ARHGAP5: variants seen among roughly 807,000 people sequenced by gnomAD.
The protein encoded by ARHGAP5 is Rho GTPase activating protein 5.
Under a neutral mutation model 116.6 loss-of-function variants are expected in ARHGAP5, and 23 were observed. The ratio of observed to expected loss-of-function variants is 0.20; its 90% confidence interval spans 0.14 to 0.28. ARHGAP5 has a LOEUF of 0.28. Ranked by LOEUF, ARHGAP5 falls within the 10% of genes least tolerant of loss-of-function variation. The probability of loss-of-function intolerance (pLI) is 1.00; values close to 1 mark genes in which losing one functional copy is unlikely to be tolerated. For synonymous variants in ARHGAP5, 574 were observed against 602.0 expected, an observed-to-expected ratio of 0.95 and a Z score of 0.68; for missense variants, 1,405 against 1,774.8, an observed-to-expected ratio of 0.79 and a Z score of 3.74.
chr14:32,085,663 A>C (rs1192050089), intron 1 of ARHGAP5, among the ~76,000 whole-genome samples: 2 of 152,170 alleles, frequency 1.3e-5, no homozygotes, highest in African/African-American at 4.8e-5. Context: ...ATTTGTTTAC[A>C]TAAGGGATAG....
intron 3 of ARHGAP5, among the ~76,000 whole-genome samples, chr14:32,122,731 A>G (rs1358290887): frequency 6.6e-6 from 1 of 152,182 alleles, no homozygotes; most frequent in Non-Finnish European, 1.5e-5. Flanking sequence ...TTGCATGTGG[A>G]TATCCATTAT....
intron 3 of ARHGAP5, among the ~76,000 whole-genome samples, chr14:32,121,092 G>C (rs1301548182): frequency 7.4e-6 from 1 of 134,992 alleles, no homozygotes; most frequent in Non-Finnish European, 1.5e-5. Flanking sequence ...ACTTCAGCTA[G>C]TTGCAACCTC....
At chr14:32,119,475 T>C (rs1879775103) in intron 3 of ARHGAP5, among the ~76,000 whole-genome samples, 2 of 152,152 alleles carry the variant, frequency 1.3e-5, no homozygotes, top group Non-Finnish European at 2.9e-5. Flanking sequence ...TTTATTGATG[T>C]AATTTACATA....
At chr14:32,105,870 A>G (rs1010986278) in intron 2 of ARHGAP5, among the ~76,000 whole-genome samples, 2 of 152,240 alleles carry the variant, frequency 1.3e-5, no homozygotes, top group African/African-American at 4.8e-5. Context: ...ATGGAATCAC[A>G]GGGCATATAA....
intron 6 of ARHGAP5, among the ~76,000 whole-genome samples, chr14:32,153,658 A>G (rs1196408393): frequency 6.6e-6 from 1 of 151,402 alleles, no homozygotes; most frequent in Admixed American, 6.6e-5. Flanking sequence ...TTTTTAGTAG[A>G]GACAGGGTTT....
At chr14:32,142,290 A>G (rs1881162111) in intron 3 of ARHGAP5, among the ~76,000 whole-genome samples, 1 of 152,036 alleles carries the variant, frequency 6.6e-6, no homozygotes, top group Non-Finnish European at 1.5e-5. Flanking sequence ...AATAAACTCT[A>G]CTTTCTTGTT....
chr14:32,127,682 G>C (rs1434706510), intron 3 of ARHGAP5, among the ~76,000 whole-genome samples: 2 of 152,210 alleles, frequency 1.3e-5, no homozygotes, highest in African/African-American at 2.4e-5. Context: ...TCAATGAGCT[G>C]TTGGGTACAC....
chr14:32,127,349 A>G (rs1335163616), intron 3 of ARHGAP5, among the ~76,000 whole-genome samples: 1 of 152,054 alleles, frequency 6.6e-6, no homozygotes, highest in Non-Finnish European at 1.5e-5. Context: ...GTCCCTGGGT[A>G]CTTGAGATTA....
intron 3 of ARHGAP5, among the ~76,000 whole-genome samples, chr14:32,124,886 C>G (rs1390204856): frequency 6.6e-6 from 1 of 152,072 alleles, no homozygotes; most frequent in Non-Finnish European, 1.5e-5. Flanking sequence ...AAGAAAAGTT[C>G]ACAGTGCAAA....
intron 3 of ARHGAP5, among the ~76,000 whole-genome samples, chr14:32,127,255 G>A (rs545820489): frequency 6.6e-6 from 1 of 152,106 alleles, no homozygotes; most frequent in South Asian, 2.1e-4. Context: ...GACAACAGTG[G>A]AGAGAAGGTC....
Position 32,093,649 on chromosome 14 carries a change from A to G in ARHGAP5, c.2980A>G (p.Ile994Val), listed in dbSNP as rs141239257. 28 of 1,613,874 alleles carry G rather than the reference A, an allele frequency of 1.7e-5. 1 individual carries two copies. Among genetic ancestry groups the G allele is most frequent in the South Asian group, 6.6e-5 (6 of 91,008 alleles). ...DTEAPPPYSP[I>V]GDDVQLLPTP... ...AGAAGCACCACCTCCTTATAGTCCA[A>G]TTGGGGATGATGTACAGTTGCTTCC... is the stretch of plus-strand genomic sequence containing the variant. Residue 994 changes from isoleucine to valine, a missense_variant, in exon 2 of 7, where the codon ATT becomes GTT. By Grantham distance (29) the Ile-to-Val change is conservative (BLOSUM62 3). Transcript: ENST00000345122.
At chr14:32,151,296 A>T (rs1199327873) in intron 5 of ARHGAP5, among the ~76,000 whole-genome samples, 1 of 152,244 alleles carries the variant, frequency 6.6e-6, no homozygotes, top group Non-Finnish European at 1.5e-5. Context: ...TGTGGTGTGC[A>T]CACTGGTCTC....
In ARHGAP5 at chr14:32,091,974, A is replaced by T. The variant is rs1169060415; in HGVS notation, c.1305A>T (p.Lys435Asn). The change falls in exon 2 of 7, where the codon AAA becomes AAT. Residue 435 changes from lysine to asparagine, a missense_variant. This residue lies in a region of ARHGAP5 where 944 missense variants were observed against 1,095.3 expected (regional missense o/e 0.86). Coordinates refer to ENST00000345122, the MANE Select transcript of ARHGAP5 (RefSeq NM_001030055.2). ...GGGTGGAAATGAAGGAAAAATTCAA[A>T]AAGACTTTGGAAAAAATTCAATTCA... ...KRRVEMKEKF[K>N]KTLEKIQFIS... The T allele has an allele frequency of 1.9e-6, 3 of 1,613,724 alleles. No homozygotes were observed. The highest frequency in any genetic ancestry group is 2.5e-6 in the Non-Finnish European group (3 of 1,179,690).
intron 3 of ARHGAP5, among the ~76,000 whole-genome samples, chr14:32,133,062 G>A (rs201059680): frequency 6.0e-4 from 91 of 152,222 alleles, no homozygotes; most frequent in East Asian, 1.4e-3. Flanking sequence ...TTGACTTGGC[G>A]ATGCAGGCTC....
rs754974425 is a variant in ARHGAP5 at position 32,093,841 on chromosome 14, C to A, written c.3172C>A (p.Leu1058Ile). 4 of 1,613,532 alleles carry A rather than the reference C, an allele frequency of 2.5e-6. No homozygotes were observed. Among genetic ancestry groups the A allele is most frequent in the Non-Finnish European group, 3.4e-6 (4 of 1,179,928 alleles). ...AAATGTGAAAAAACTCGATCCAAAC[C>A]TTTTAAAAACAATTGAAGCTGGTAT... ...KTNVKKLDPN[L>I]LKTIEAGIGK... is the part of the protein sequence containing the mutation. The change falls in exon 2 of 7, where the codon CTT becomes ATT. Residue 1058 changes from leucine to isoleucine, a missense_variant. Coordinates refer to ENST00000345122, the MANE Select transcript of ARHGAP5 (RefSeq NM_001030055.2).
intron 3 of ARHGAP5, among the ~76,000 whole-genome samples, chr14:32,122,422 C>T (rs1879932420): frequency 6.6e-6 from 1 of 152,178 alleles, no homozygotes; most frequent in Admixed American, 6.5e-5. Context: ...AAATTGTTTT[C>T]AAATACGATT....
At chr14:32,141,474 C>T (rs1881123042) in intron 3 of ARHGAP5, among the ~76,000 whole-genome samples, 1 of 152,142 alleles carries the variant, frequency 6.6e-6, no homozygotes, top group African/African-American at 2.4e-5. Flanking sequence ...TTAACATAGA[C>T]TTGTAATTAT....
In ARHGAP5 at chr14:32,154,974, G is replaced by C. The variant is rs746756968; in HGVS notation, c.*26G>C. 18 of 1,589,170 alleles carry C rather than the reference G, an allele frequency of 1.1e-5. No individual in the cohort carries two copies. Among genetic ancestry groups the C allele is most frequent in the African/African-American group, 1.4e-5 (1 of 74,064 alleles). ...GTAGGAAGTGATTGCAAACAGGCTGGATTTGGACAAAAAGCAAATCTAGAC... is the reference window on the plus strand; with the variant it reads ...GTAGGAAGTGATTGCAAACAGGCTGCATTTGGACAAAAAGCAAATCTAGAC... On this transcript the variant is annotated 3_prime_UTR_variant, in exon 7 of 7. Transcript: ENST00000345122.
intron 1 of ARHGAP5, among the ~76,000 whole-genome samples, chr14:32,086,090 A>G (rs529420631): frequency 1.8e-4 from 28 of 152,300 alleles, no homozygotes; most frequent in African/African-American, 6.3e-4. Context: ...AGAGGGATAG[A>G]GTTAATGACA....
Sources: gnomAD v4.1 joint callset for allele counts (sites outside exome capture counted in the v4.1 genomes callset) on GRCh38, gnomAD v4.1.1 for gene constraint, gnomAD v4.1.1 regional missense constraint, MANE v1.5 for transcripts, NCBI Gene and HGNC (gene_info 2026-07-23, HGNC 2026-07-21) for gene names.